MAP4K3: variants seen among roughly 807,000 people sequenced by gnomAD.
The protein encoded by MAP4K3 is MAPK/ERK kinase kinase kinase 3.
MAP4K3 carries 94 observed loss-of-function variants against 143.5 expected under a neutral mutation model. The ratio of observed to expected loss-of-function variants is 0.65; its 90% CI spans 0.55 to 0.78. The LOEUF is 0.78. Among genes scored for constraint, MAP4K3 ranks in the 30% least tolerant of loss-of-function variants. MAP4K3 has a pLI of 0.00. For synonymous variants in MAP4K3, 416 were observed against 347.2 expected (o/e 1.20, Z -2.20); for missense variants, 1,077 against 1,068.1 (o/e 1.01, Z -0.12).
At chr2:39,347,340 A>G (rs1200617095) in intron 3 of MAP4K3, among the ~76,000 whole-genome samples, 1 of 152,208 alleles carries the variant, frequency 6.6e-6, no homozygotes, top group Non-Finnish European at 1.5e-5. Context: ...TGTTTTGAGA[A>G]CCATAGCTCT....
chr2:39,314,408 C>T (rs1235250529), intron 13 of MAP4K3, among the ~76,000 whole-genome samples: 1 of 152,136 alleles, frequency 6.6e-6, no homozygotes, highest in Non-Finnish European at 1.5e-5. Flanking sequence ...ATGAGAAATG[C>T]TCTCACATGC....
At chr2:39,426,708 A>G (rs1221884836) in intron 1 of MAP4K3, among the ~76,000 whole-genome samples, 1 of 152,100 alleles carries the variant, frequency 6.6e-6, no homozygotes, top group East Asian at 1.9e-4. Flanking sequence ...AATTGAAATT[A>G]TTTTTTAAAA....
Position 39,265,529 on chromosome 2 carries a change from C to T in MAP4K3, c.2033-223G>A, listed in dbSNP as rs149268829. On this transcript the variant is annotated intron_variant, in intron 27 of 33. Coordinates refer to ENST00000263881, the MANE Select transcript of MAP4K3 (RefSeq NM_003618.4). The stretch of plus-strand genomic sequence containing the variant: ...AACTTGCAGGATTTTTATTTGTATG[C>T]ACAAATGAAACTGCTGGTTATAATG... Among the ~76,000 whole-genome samples the T allele has an allele frequency of 2.3e-3, 348 of 152,174 alleles. 4 individuals are homozygous for T. The highest frequency in any genetic ancestry group is 7.7e-3 in the African/African-American group (321 of 41,530).
chr2:39,278,180 G>C (rs544015845), intron 24 of MAP4K3, among the ~76,000 whole-genome samples: 11 of 152,066 alleles, frequency 7.2e-5, no homozygotes, highest in Admixed American at 2.6e-4. Context: ...TACTTGGGAG[G>C]CTGAGGCATG....
chr2:39,384,316 T>C (rs1265536332), intron 1 of MAP4K3, among the ~76,000 whole-genome samples: 1 of 152,022 alleles, frequency 6.6e-6, no homozygotes, highest in East Asian at 1.9e-4. Context: ...GAGGCCGAGG[T>C]AGGCGGATCA....
At chr2:39,290,101 A>G (rs1681973029) in intron 19 of MAP4K3, among the ~76,000 whole-genome samples, 191 bp downstream of exon 19, 1 of 149,502 alleles carries the variant, frequency 6.7e-6, no homozygotes, top group Non-Finnish European at 1.5e-5. Context: ...AAAAAAAAAA[A>G]AAAAAAGAAC....
chr2:39,409,367 G>T (rs1291891627), intron 1 of MAP4K3, among the ~76,000 whole-genome samples: 2 of 152,110 alleles, frequency 1.3e-5, no homozygotes. Context: ...CCACTACATG[G>T]GGGGCTGGCT....
chr2:39,397,527 T>C (rs1445392875), intron 1 of MAP4K3, among the ~76,000 whole-genome samples: 1 of 152,296 alleles, frequency 6.6e-6, no homozygotes, highest in South Asian at 2.1e-4. Flanking sequence ...CTAAACATCA[T>C]AAAGGTATCA....
chr2:39,366,512 A>G (rs977238499), intron 2 of MAP4K3, among the ~76,000 whole-genome samples: 1 of 152,166 alleles, frequency 6.6e-6, no homozygotes, highest in Non-Finnish European at 1.5e-5. Flanking sequence ...TAAGATCTGT[A>G]CTGATGTTAA....
intron 1 of MAP4K3, among the ~76,000 whole-genome samples, chr2:39,404,824 T>C (rs991415457): frequency 3.3e-5 from 5 of 152,030 alleles, no homozygotes; most frequent in Non-Finnish European, 7.4e-5. Context: ...TTTCTCCATG[T>C]TGGTCAGGCT....
intron 24 of MAP4K3, among the ~76,000 whole-genome samples, chr2:39,277,039 C>A (rs970423818): frequency 6.6e-6 from 1 of 152,198 alleles, no homozygotes; most frequent in African/African-American, 2.4e-5. Context: ...TGAAAAATAT[C>A]TTTTCCCCTC....
chr2:39,366,410 T>C lies in MAP4K3; in HGVS notation c.155-10071A>G, dbSNP rs2542009. 4.0e-3 allele frequency among the ~76,000 whole-genome samples: 615 copies of C among 152,302 alleles called. 6 individuals are homozygous for C. Among genetic ancestry groups the C allele is most frequent in the Non-Finnish European group, 7.3e-3 (495 of 68,018 alleles). ...AGGGGTTGCGGAGACCAAGGTTTTA[T>C]CATGCAGATGAAACCTCCAGGTAGT... On this transcript the variant is annotated intron_variant, in intron 2 of 33. Transcript: ENST00000263881.
intron 1 of MAP4K3, among the ~76,000 whole-genome samples, chr2:39,425,700 G>GTA (rs35329471): frequency 0.78 from 118,928 of 152,066 alleles, 51,808 homozygotes; most frequent in Non-Finnish European, 0.95. Flanking sequence ...CTGGTCTGTG[G>GTA]TATGTTGTTA....
At chr2:39,325,702 T>A (rs751059808) in intron 11 of MAP4K3, 28 bp downstream of exon 11, 1 of 1,567,514 alleles carries the variant, frequency 6.4e-7, no homozygotes, top group East Asian at 2.3e-5. Flanking sequence ...TTGAAATATA[T>A]ATATATATTT....
Position 39,272,391 on chromosome 2 carries a change from G to C in MAP4K3, c.1865C>G (p.Ser622Cys), listed in dbSNP as rs761084162. Residue 622 changes from serine to cysteine, a missense_variant, in exon 26 of 34, where the codon TCT (serine) becomes TGT (cysteine). Around this residue, in one of 2 missense-constraint regions of MAP4K3, gnomAD observed 864 missense variants for 801.2 expected, o/e 1.08. Coordinates refer to ENST00000263881, the MANE Select transcript of MAP4K3 (RefSeq NM_003618.4). ...NCLLSISGKA[S>C]QLYSHNLPGL... ...TGGTAAATTATGGGAATAAAGCTGAGAAGCTTTACCTATAAAGAAAAACAG... is the reference window on the plus strand; with the variant it reads ...TGGTAAATTATGGGAATAAAGCTGACAAGCTTTACCTATAAAGAAAAACAG... 4.4e-6 allele frequency: 7 copies of C among 1,609,170 alleles called. No individual in the cohort carries two copies. In the South Asian group the frequency reaches 7.7e-5, roughly 18 times the overall value.
At chr2:39,415,340 A>C (rs1263343328) in intron 1 of MAP4K3, among the ~76,000 whole-genome samples, 1 of 152,232 alleles carries the variant, frequency 6.6e-6, no homozygotes, top group Non-Finnish European at 1.5e-5. Flanking sequence ...AATAATGGGA[A>C]TTCTCAGTGC....
At chr2:39,394,743 T>C (rs1572484990) in intron 1 of MAP4K3, among the ~76,000 whole-genome samples, 1 of 152,282 alleles carries the variant, frequency 6.6e-6, no homozygotes, top group Non-Finnish European at 1.5e-5. Context: ...CTTCAGGGAA[T>C]AAGATAGGCA....
At chr2:39,381,677 T>C (rs1257034776) in intron 1 of MAP4K3, among the ~76,000 whole-genome samples, 2 of 152,218 alleles carry the variant, frequency 1.3e-5, no homozygotes, top group Non-Finnish European at 2.9e-5. Flanking sequence ...AGGGCTTCAG[T>C]TTCATTCTTT....
In MAP4K3 at chr2:39,333,507, C is replaced by T. The variant is rs73923849; in HGVS notation, c.457+25G>A. 2,536 of 1,573,450 alleles carry T rather than the reference C, an allele frequency of 1.6e-3. 41 individuals carry two copies. In the African/African-American group the frequency reaches 0.03, roughly 19 times the overall value. ...CTATATCTTAGAATAGATTTGTGCA[C>T]GTGACAAAATTCCAATTTACTTACC... On this transcript the variant is annotated intron_variant, in intron 7 of 33. Transcript: ENST00000263881.
Sources: allele counts gnomAD v4.1 joint callset (sites outside exome capture counted in the v4.1 genomes callset), GRCh38; gene constraint gnomAD v4.1.1; regional missense constraint gnomAD v4.1.1; transcripts MANE v1.5; gene names NCBI Gene and HGNC (gene_info 2026-07-23, HGNC 2026-07-21).